The following NALCN variants were observed in gnomAD, a reference collection of about 807,000 sequenced individuals.
The protein encoded by NALCN is sodium leak channel NALCN.
A neutral mutation model predicts 225.3 loss-of-function variants in NALCN; 111 were observed. The ratio of observed to expected loss-of-function variants is 0.49; its 90% CI spans 0.42 to 0.58. NALCN has a LOEUF of 0.58. Among genes scored for constraint, NALCN ranks in the 20% least tolerant of loss-of-function variants. NALCN has a pLI of 0.00. For synonymous variants in NALCN, 764 were observed against 769.0 expected (o/e 0.99, Z 0.11); for missense variants, 1,378 against 2,202.4 (o/e 0.63, Z 7.49).
intron 7 of NALCN, among the ~76,000 whole-genome samples, chr13:101,335,298 G>A (rs1594697181): frequency 6.6e-6 from 1 of 152,154 alleles, no homozygotes; most frequent in East Asian, 1.9e-4. Context: ...AGAATATCTG[G>A]ACACCTAATT....
At chr13:101,136,304 TTATTTATTTA>T (rs968075325) in intron 17 of NALCN, among the ~76,000 whole-genome samples, 4 of 812 alleles carry the variant, frequency 4.9e-3, no homozygotes, top group African/African-American at 0.023. Flanking sequence ...ATTTATTTAT[TTATTTATTTA>T]TATATTATAC....
At position 101,124,633 on chromosome 13, in the gene NALCN, C is replaced by T. The variant is rs1180775790; in HGVS notation, c.2167G>A (p.Glu723Lys). Residue 723 changes from glutamate to lysine, a missense_variant, in exon 18 of 44, where the codon GAG (glutamate) becomes AAG (lysine). This residue lies in a region of NALCN where 100 missense variants were observed against 89.4 expected (regional missense o/e 1.12). Coordinates refer to ENST00000251127, the MANE Select transcript of NALCN (RefSeq NM_052867.4). ...SIRARNLLEK[E>K]TAVTKILRAC... ...CTTAAGATTTTAGTGACTGCGGTCT[C>T]CTTTTCCAGAAGGTTCCTTGCCCTG... 6.2e-7 allele frequency: 1 copy of T among 1,614,056 alleles called. No homozygotes were observed. Among genetic ancestry groups the T allele is most frequent in the Admixed American group, 1.7e-5 (1 of 60,014 alleles).
chr13:101,380,857 A>AACACACACACACAC (rs58640505), intron 3 of NALCN, among the ~76,000 whole-genome samples: 6 of 145,568 alleles, frequency 4.1e-5, no homozygotes, highest in African/African-American at 1.5e-4. Flanking sequence ...ATGCCTAGCT[A>AACACACACACACAC]ACACACACAC....
Position 101,237,928 on chromosome 13 carries a change from G to C in NALCN, c.1267-6C>G. The C allele has an allele frequency of 6.3e-7, 1 of 1,584,194 alleles. No individual in the cohort carries two copies. The highest frequency in any genetic ancestry group is 8.6e-7 in the Non-Finnish European group (1 of 1,167,674). On this transcript the variant is annotated splice_polypyrimidine_tract_variant and splice_region_variant and intron_variant, in intron 11 of 43. Transcript: ENST00000251127. The stretch of plus-strand genomic sequence containing the variant: ...AAAAGTACTGTAAAAGCCACCTAGA[G>C]AAACAAAGAAACATTGAAATTGAAA...
intron 6 of NALCN, among the ~76,000 whole-genome samples, chr13:101,374,569 G>C (rs1276080003): frequency 1.3e-5 from 2 of 152,064 alleles, no homozygotes; most frequent in African/African-American, 4.8e-5. Context: ...TTACAGGTGT[G>C]AGCCACTGTG....
chr13:101,096,654 A>G (rs1434296561), intron 27 of NALCN, among the ~76,000 whole-genome samples: 2 of 152,206 alleles, frequency 1.3e-5, no homozygotes. Flanking sequence ...TGTCGTGTAT[A>G]CAACTCTATG....
At chr13:101,075,744 G>T in intron 35 of NALCN, 129 bp downstream of exon 35, 1 of 599,234 alleles carries the variant, frequency 1.7e-6, no homozygotes, top group African/African-American at 1.9e-5. Context: ...TGTTAATCTT[G>T]ACTTATGATG....
intron 15 of NALCN, among the ~76,000 whole-genome samples, chr13:101,169,897 T>C (rs757098656): frequency 6.6e-6 from 1 of 152,240 alleles, no homozygotes; most frequent in Non-Finnish European, 1.5e-5. Context: ...ATCAGTCTTT[T>C]AAAATTACAT....
chr13:101,122,818 T>G (rs2036043238), intron 18 of NALCN, among the ~76,000 whole-genome samples: 1 of 152,176 alleles, frequency 6.6e-6, no homozygotes, highest in Non-Finnish European at 1.5e-5. Flanking sequence ...GACAATCATG[T>G]TATTTCTAAG....
chr13:101,078,954 G>C (rs554458899), intron 34 of NALCN, among the ~76,000 whole-genome samples: 129 of 152,272 alleles, frequency 8.5e-4, no homozygotes, highest in African/African-American at 3.0e-3. Flanking sequence ...TCATGATATT[G>C]AGTTAGTTCT....
At chr13:101,263,471 C>T (rs1411911036) in intron 10 of NALCN, among the ~76,000 whole-genome samples, 1 of 152,174 alleles carries the variant, frequency 6.6e-6, no homozygotes, top group African/African-American at 2.4e-5. Context: ...TCCATTTCAT[C>T]TGCATGGCAG....
At chr13:101,137,952 G>A (rs1275945168) in intron 17 of NALCN, among the ~76,000 whole-genome samples, 2 of 152,130 alleles carry the variant, frequency 1.3e-5, no homozygotes, top group Non-Finnish European at 2.9e-5. Context: ...ATGAGGGTTG[G>A]AACCTGCACC....
At chr13:101,100,961 A>T in intron 26 of NALCN, 73 bp from the exon 27 acceptor site, 1 of 1,157,662 alleles carries the variant, frequency 8.6e-7, no homozygotes, top group South Asian at 1.6e-5. Context: ...ACAGTGACAT[A>T]AATAGGACTT....
At chr13:101,201,660 T>G (rs2040126745) in intron 13 of NALCN, among the ~76,000 whole-genome samples, 1 of 152,204 alleles carries the variant, frequency 6.6e-6, no homozygotes, top group Non-Finnish European at 1.5e-5. Flanking sequence ...CTGACTTTTT[T>G]TTTACTGTTT....
chr13:101,270,470 T>C (rs561189128), intron 10 of NALCN, among the ~76,000 whole-genome samples: 1 of 152,350 alleles, frequency 6.6e-6, no homozygotes, highest in East Asian at 1.9e-4. Flanking sequence ...GAATTCAAAA[T>C]TGAAGCTAGC....
intron 10 of NALCN, among the ~76,000 whole-genome samples, chr13:101,263,951 C>T (rs1378593125): frequency 1.3e-5 from 2 of 152,148 alleles, no homozygotes; most frequent in Non-Finnish European, 2.9e-5. Flanking sequence ...AGGCTGATGA[C>T]ATTACATTTA....
At chr13:101,357,766 T>G (rs964915114) in intron 6 of NALCN, among the ~76,000 whole-genome samples, 1 of 152,076 alleles carries the variant, frequency 6.6e-6, no homozygotes, top group African/African-American at 2.4e-5. Flanking sequence ...GGAGGCATCA[T>G]GCTACCTGAC....
intron 7 of NALCN, among the ~76,000 whole-genome samples, chr13:101,296,472 A>G (rs1362207271): frequency 6.6e-6 from 1 of 152,246 alleles, no homozygotes; most frequent in Non-Finnish European, 1.5e-5. Context: ...AACCCATGCT[A>G]TACACACAGA....
At chr13:101,186,971 G>C (rs541638151) in intron 14 of NALCN, among the ~76,000 whole-genome samples, 1 of 152,034 alleles carries the variant, frequency 6.6e-6, no homozygotes, top group East Asian at 1.9e-4. Flanking sequence ...GTGAAAAACC[G>C]ATAGTTTTGA....
Sources: gnomAD v4.1 joint callset for allele counts (sites outside exome capture counted in the v4.1 genomes callset) on GRCh38, gnomAD v4.1.1 for gene constraint, gnomAD v4.1.1 regional missense constraint, MANE v1.5 for transcripts, NCBI Gene and HGNC (gene_info 2026-07-23, HGNC 2026-07-21) for gene names.